The following SP3 variants were observed in gnomAD, a reference collection of about 807,000 sequenced individuals.
SP3 encodes Sp3 transcription factor.
Under a neutral mutation model 70.3 loss-of-function variants are expected in SP3, and 10 were observed. The observed-to-expected ratio is 0.14, with a 90% CI of 0.09 to 0.24. SP3 has a LOEUF of 0.24. SP3 is among the 10% of genes least tolerant of loss of function. The pLI is 1.00. For missense variants in SP3, 825 were observed against 914.6 expected, an observed-to-expected ratio of 0.90 and a Z score of 1.26; for synonymous variants, 402 against 333.5, an observed-to-expected ratio of 1.21 and a Z score of -2.24.
chr2:173,933,643 T>TAC lies in SP3; in HGVS notation c.1640-14859_1640-14858insGT, dbSNP rs1407578073. 2.4e-3 allele frequency among the ~76,000 whole-genome samples: 296 copies of TAC among 124,244 alleles called. 4 individuals carry two copies. The highest frequency in any genetic ancestry group is 5.9e-3 in the South Asian group (25 of 4,210). The allele number at this position is 124,244 out of a possible 152,430, so 81.5% of individuals were successfully genotyped here. ...TGACTAACATTTATAAAACTTTATA[T>TAC]ATATATATATATATATATATATATA... On this transcript the variant is annotated intron_variant, in intron 4 of 6. Coordinates refer to ENST00000310015, the MANE Select transcript of SP3 (RefSeq NM_003111.5).
chr2:173,928,547 G>A lies in SP3; in HGVS notation c.1640-9762C>T, dbSNP rs564944088. On this transcript the variant is annotated intron_variant, in intron 4 of 6. Transcript: ENST00000310015. ...AACTGCCTGTAAATAAAATGATTCC[G>A]TTCCAACACTTTCTGCAGACTGTAA... Among the ~76,000 whole-genome samples, 14 of 149,444 alleles carry A rather than the reference G, an allele frequency of 9.4e-5. No homozygotes were observed. In the East Asian group the frequency reaches 2.2e-3, roughly 23 times the overall value.
At chr2:173,946,548 A>G (rs1017728210) in intron 4 of SP3, among the ~76,000 whole-genome samples, 2 of 152,098 alleles carry the variant, frequency 1.3e-5, no homozygotes, top group Non-Finnish European at 2.9e-5. Flanking sequence ...TACAGTAGTC[A>G]GTTCAATAAA....
intron 1 of SP3, chr2:173,964,868 G>A: frequency 2.0e-6 from 1 of 490,496 alleles, no homozygotes; most frequent in South Asian, 3.1e-5. Flanking sequence ...CGCTCCTCTC[G>A]CACCGTCAGT....
Position 173,964,419 on chromosome 2 carries a change from C to T in SP3, c.142G>A (p.Ala48Thr), listed in dbSNP as rs1032290416. 2.7e-6 allele frequency: 2 copies of T among 728,246 alleles called. No homozygotes were observed. The highest frequency in any genetic ancestry group is 3.6e-5 in the African/African-American group (2 of 55,518). 45.1% of individuals were successfully genotyped at this position (728,246 alleles called of 1,614,324 possible). Residue 48 changes from alanine to threonine, a missense_variant, in exon 2 of 7, where the codon GCA becomes ACA. Coordinates refer to ENST00000310015, the MANE Select transcript of SP3 (RefSeq NM_003111.5). Reference sequence around the variant, plus strand: ...CCGCTCCTCACCTGGGCCGCCGCTGCCGCCGCCACCGCACCGTTTCCGTGC... The same window carrying T: ...CCGCTCCTCACCTGGGCCGCCGCTGTCGCCGCCACCGCACCGTTTCCGTGC... ...QQHGNGAVAAAAAAQDTQPSP... is the reference protein window; with the variant it reads ...QQHGNGAVAATAAAQDTQPSP...
intron 3 of SP3, 67 bp downstream of exon 3, chr2:173,963,694 G>A (rs1379589871): frequency 6.6e-6 from 4 of 602,236 alleles, no homozygotes; most frequent in African/African-American, 2.0e-5. Flanking sequence ...CTTTTGGGCA[G>A]GCGCGCCACG....
Position 173,955,253 on chromosome 2 carries a change from G to A in SP3, c.1259C>T (p.Thr420Ile). 6.2e-7 allele frequency: 1 copy of A among 1,614,136 alleles called. No individual in the cohort carries two copies. Among genetic ancestry groups the A allele is most frequent in the African/African-American group, 1.3e-5 (1 of 75,046 alleles). ...AQIVQGITPQ[T>I]IHGVQASGQN... ...ACCACTGGCTTGCACACCATGGATT[G>A]TCTGTGGTGTAATACCTTGCACAAT... The change falls in exon 4 of 7, where the codon ACA (threonine) becomes ATA (isoleucine). Residue 420 changes from threonine to isoleucine, a missense_variant. Coordinates refer to ENST00000310015, the MANE Select transcript of SP3 (RefSeq NM_003111.5).
intron 3 of SP3, among the ~76,000 whole-genome samples, chr2:173,959,074 A>C (rs1331503572): frequency 6.6e-6 from 1 of 152,182 alleles, no homozygotes; most frequent in East Asian, 1.9e-4. Context: ...AAGTTATTTT[A>C]CTTTAAAATC....
At chr2:173,953,780 AAAAC>A (rs1482421233) in intron 4 of SP3, among the ~76,000 whole-genome samples, 1 of 85,528 alleles carries the variant, frequency 1.2e-5, no homozygotes, top group African/African-American at 4.0e-5. Flanking sequence ...AAAACAAAAC[AAAAC>A]AAAAAAAAAA....
rs753118431 is a variant in SP3, at chr2:173,918,543, G to A, written c.1832+50C>T. 4 of 1,508,542 alleles carry A rather than the reference G, an allele frequency of 2.7e-6. No individual in the cohort carries two copies. The South Asian group carries it at 3.9e-5, about 15-fold the overall frequency. The allele number at this position is 1,508,542 out of a possible 1,614,324, so 93.4% of individuals were successfully genotyped here. ...ATAGCATGCAGTATTTCAAAAATCA[G>A]AATGATATTAGCACTCTTAAAAATA... On this transcript the variant is annotated intron_variant, in intron 5 of 6. Transcript: ENST00000310015.
Position 173,911,479 on chromosome 2 carries a change from C to T in SP3, c.2030-1222G>A, listed in dbSNP as rs191460592. The stretch of plus-strand genomic sequence containing the variant: ...GAGAGGTACTCCATGGCAAACGGCA[C>T]AAGGTTAGGAAATGCTACACACACA... On this transcript the variant is annotated intron_variant, in intron 6 of 6. Transcript: ENST00000310015. Among the ~76,000 whole-genome samples the T allele has an allele frequency of 9.5e-4, 145 of 152,284 alleles. 1 individual carries two copies. The highest frequency in any genetic ancestry group is 3.1e-3 in the African/African-American group (130 of 41,552).
chr2:173,914,268 TTC>T (rs1308332393), intron 5 of SP3: 1 of 152,150 alleles, frequency 6.6e-6, no homozygotes, highest in Non-Finnish European at 1.5e-5. Context: ...TTTACAATGT[TTC>T]TGAGTTTTTT....
intron 4 of SP3, among the ~76,000 whole-genome samples, chr2:173,933,218 CAAT>C (rs1559098310): frequency 6.8e-6 from 1 of 146,086 alleles, no homozygotes; most frequent in African/African-American, 2.5e-5. Flanking sequence ...AATCTTTTAT[CAAT>C]AATACAAATT....
rs1340259792 is a variant in SP3 at position 173,907,042 on chromosome 2, T to C, written c.*2899A>G. 1 of 152,212 alleles carries C rather than the reference T, an allele frequency of 6.6e-6. No individual in the cohort carries two copies. Among genetic ancestry groups the C allele is most frequent in the African/African-American group, 2.4e-5 (1 of 41,464 alleles). The allele number at this position is 152,212 out of a possible 1,614,324, so 9.4% of individuals were successfully genotyped here. A position where few individuals can be genotyped will look rare whatever the true frequency, so the allele number is the denominator to read the frequency against. ...GTTATTTACAGGGCATCTGACTTTC[T>C]GCGGTAGGTGTAGCTCCTTTAAAAG... On this transcript the variant is annotated 3_prime_UTR_variant, in exon 7 of 7. Coordinates refer to ENST00000310015, the MANE Select transcript of SP3 (RefSeq NM_003111.5).
rs1423809496 is a variant in SP3, at chr2:173,906,359, GGT to G, written c.*3580_*3581del. On this transcript the variant is annotated 3_prime_UTR_variant, in exon 7 of 7. Transcript: ENST00000310015. ...TCTTCAACACTAAATAAAATTATGA[GGT>G]GATTTCACAAAAATATCAAATTTGT... 1.3e-5 allele frequency: 2 copies of G among 152,058 alleles called. No individual in the cohort carries two copies. The highest frequency in any genetic ancestry group is 2.9e-5 in the Non-Finnish European group (2 of 68,018). The allele number at this position is 152,058 out of a possible 1,614,324, so 9.4% of individuals were successfully genotyped here.
At chr2:173,918,151 C>T (rs1689658093) in intron 5 of SP3, among the ~76,000 whole-genome samples, 1 of 151,952 alleles carries the variant, frequency 6.6e-6, no homozygotes, top group Non-Finnish European at 1.5e-5. Context: ...AATACAATCC[C>T]ATTTTTTAAA....
chr2:173,963,402 T>G (rs1458418528), intron 3 of SP3: 1 of 152,324 alleles, frequency 6.6e-6, no homozygotes, highest in East Asian at 1.9e-4. Context: ...TGCCTCTAGT[T>G]GATACTATCT....
At position 173,955,524 on chromosome 2, in the gene SP3, A is replaced by G. The variant is rs1475495542; in HGVS notation, c.988T>C (p.Phe330Leu). ...TGTGATGAAGAGGATGTTGGCACAA[A>G]TAAATCTGTATCAGTATTAGTTTCA... ...INETNTDTDL[F>L]VPTSSSSQLP... is the part of the protein sequence containing the mutation. The change falls in exon 4 of 7, where the codon TTT (phenylalanine) becomes CTT (leucine). Residue 330 changes from phenylalanine to leucine, a missense_variant. Around this residue, in one of 4 missense-constraint regions of SP3, gnomAD observed 678 missense variants for 651.6 expected, o/e 1.04. Coordinates refer to ENST00000310015, the MANE Select transcript of SP3 (RefSeq NM_003111.5). 2 of 1,614,166 alleles carry G rather than the reference A, an allele frequency of 1.2e-6. No individual in the cohort carries two copies. Among genetic ancestry groups the G allele is most frequent in the South Asian group, 2.2e-5 (2 of 91,084 alleles).
At chr2:173,952,397 C>T (rs1690734700) in intron 4 of SP3, among the ~76,000 whole-genome samples, 1 of 152,122 alleles carries the variant, frequency 6.6e-6, no homozygotes, top group Non-Finnish European at 1.5e-5. Flanking sequence ...ACTTCACACC[C>T]ACTAGGATGG....
upstream of SP3, chr2:173,965,410 C>T (rs1691263576): frequency 5.4e-6 from 3 of 554,766 alleles, no homozygotes; most frequent in East Asian, 3.2e-5. Context: ...TCTTGGCTCT[C>T]ATTCGCCGCC....
Sources: allele counts gnomAD v4.1 joint callset (sites outside exome capture counted in the v4.1 genomes callset), GRCh38; gene constraint gnomAD v4.1.1; regional missense constraint gnomAD v4.1.1; transcripts MANE v1.5; gene names NCBI Gene and HGNC (gene_info 2026-07-23, HGNC 2026-07-21).